The following GRIN2C variants were observed in gnomAD, a reference collection of about 807,000 sequenced individuals.
The protein encoded by GRIN2C is glutamate ionotropic receptor NMDA type subunit 2C.
In GRIN2C, 64 loss-of-function variants were observed where a neutral mutation model predicts 77.7. That is an observed-to-expected ratio of 0.82 (90% CI 0.67 to 1.01). The LOEUF (loss-of-function observed/expected upper bound fraction) is 1.01. Ranked by LOEUF, GRIN2C falls within the 50% of genes least tolerant of loss-of-function variation. GRIN2C has a pLI of 0.00. For synonymous variants in GRIN2C, 792 were observed against 643.4 expected (o/e 1.23, Z -3.49); for missense variants, 1,549 against 1,486.0 (o/e 1.04, Z -0.70).
intron 11 of GRIN2C, among the ~76,000 whole-genome samples, chr17:74,844,805 C>T (rs911509492): frequency 2.0e-5 from 3 of 152,186 alleles, no homozygotes; most frequent in African/African-American, 7.2e-5. Flanking sequence ...TAAATGTTAG[C>T]ATTCATTCAT....
intron 2 of GRIN2C, chr17:74,852,825 G>A: frequency 2.4e-6 from 1 of 421,030 alleles, no homozygotes; most frequent in Non-Finnish European, 4.2e-6. Flanking sequence ...CCACCACGCT[G>A]GCCCGCAGAC....
At chr17:74,855,617 G>A (rs1007161585) in intron 1 of GRIN2C, among the ~76,000 whole-genome samples, 1 of 152,200 alleles carries the variant, frequency 6.6e-6, no homozygotes, top group Non-Finnish European at 1.5e-5. Context: ...CTATTTGCTG[G>A]GATTAGTGAC....
At chr17:74,852,780 G>A (rs2037706319) in intron 2 of GRIN2C, 169 bp from the exon 3 acceptor site, 2 of 461,402 alleles carry the variant, frequency 4.3e-6, no homozygotes, top group Admixed American at 4.4e-5. Flanking sequence ...GTGGTTCCCC[G>A]CTGCCTAGTA....
intron 12 of GRIN2C, 40 bp from the exon 13 acceptor site, chr17:74,843,593 C>T (rs2037370350): frequency 6.6e-7 from 1 of 1,522,006 alleles, no homozygotes; most frequent in South Asian, 1.2e-5. Context: ...GCAGCGCCCT[C>T]CGCTCAGGGA....
In GRIN2C at chr17:74,846,887, G is replaced by A. The variant is rs1381530257; in HGVS notation, c.2035C>T (p.Arg679Cys). ...QRPQDQYPPF[R>C]FGTVPNGSTE... Reference sequence around the variant, plus strand: ...CTGCCGTTGGGCACCGTGCCGAAGCGGAAAGGTGGGTACTGATCTTGAGGC... The same window carrying A: ...CTGCCGTTGGGCACCGTGCCGAAGCAGAAAGGTGGGTACTGATCTTGAGGC... The change falls in exon 10 of 13, where the codon CGC becomes TGC. Residue 679 changes from arginine to cysteine, a missense_variant. Arg to Cys is a radical substitution (Grantham distance 180). Around this residue, in one of 3 missense-constraint regions of GRIN2C, gnomAD observed 717 missense variants for 858.1 expected, o/e 0.84. Transcript: ENST00000293190. The surrounding 1 kb of genome is among the most constrained non-coding windows in gnomAD (Gnocchi z 4.4). The A allele has an allele frequency of 6.2e-6, 10 of 1,613,806 alleles. No homozygotes were observed. Among genetic ancestry groups the A allele is most frequent in the East Asian group, 4.5e-5 (2 of 44,892 alleles).
At chr17:74,851,207 C>T (rs935383908) in intron 4 of GRIN2C, 11 of 310,060 alleles carry the variant, frequency 3.5e-5, no homozygotes, top group Non-Finnish European at 3.6e-5. Context: ...AATTCCTGTT[C>T]CTCATCTCCA....
rs974531043 is a variant in GRIN2C at position 74,852,671 on chromosome 17, C to A, written c.400-60G>T. 5 of 772,210 alleles carry A rather than the reference C, an allele frequency of 6.5e-6. No individual in the cohort carries two copies. In the Admixed American group the frequency reaches 1.3e-4, roughly 20 times the overall value. 47.8% of individuals were successfully genotyped at this position (772,210 alleles called of 1,614,324 possible). The stretch of plus-strand genomic sequence containing the variant: ...GCCGAGCCCCTCCTCCCGCCCCTTC[C>A]CCGACCTCGGCCCCTCCATCAGCTC... On this transcript the variant is annotated intron_variant, in intron 2 of 12. Coordinates refer to ENST00000293190, the MANE Select transcript of GRIN2C (RefSeq NM_000835.6).
At chr17:74,852,710 C>A (rs2144603810) in intron 2 of GRIN2C, 99 bp from the exon 3 acceptor site, 1 of 551,908 alleles carries the variant, frequency 1.8e-6, no homozygotes, top group Non-Finnish European at 2.9e-6. Context: ...GGCGCCCTTG[C>A]GCCGGCGGAT....
Position 74,842,771 on chromosome 17 carries a change from C to T in GRIN2C, c.3366G>A (p.Ser1122=), listed in dbSNP as rs920866718. 4.4e-6 allele frequency: 3 copies of T among 679,676 alleles called. No individual in the cohort carries two copies. In the East Asian group the frequency reaches 8.2e-5, roughly 19 times the overall value. The allele number at this position is 679,676 out of a possible 1,614,324, so 42.1% of individuals were successfully genotyped here. A position where few individuals can be genotyped will look rare whatever the true frequency, so the allele number is the denominator to read the frequency against. ...CCTCCCGGTAGATCGGCAAGCACAT[C>T]GACTGCGCCTGCGCCAAGCGCCTGC... ...SACRRLAQAQ[S]MCLPIYREAC... is the part of the protein sequence containing the mutation. Residue 1122 remains serine, a synonymous_variant, in exon 13 of 13, where the codon TCG becomes TCA. Coordinates refer to ENST00000293190, the MANE Select transcript of GRIN2C (RefSeq NM_000835.6).
Position 74,846,683 on chromosome 17 carries a change from T to A in GRIN2C, c.2162+77A>T. On this transcript the variant is annotated intron_variant, in intron 10 of 12. Coordinates refer to ENST00000293190, the MANE Select transcript of GRIN2C (RefSeq NM_000835.6). The surrounding 1 kb of genome is among the most constrained non-coding windows in gnomAD (Gnocchi z 4.4). ...CCTGCAGGACAGCCCAGTCCCACTG[T>A]CCCCACATTGAGAGCTAAGGCTGGT... The A allele has an allele frequency of 1.0e-5, 15 of 1,469,308 alleles. No individual in the cohort carries two copies. Among genetic ancestry groups the A allele is most frequent in the African/African-American group, 1.4e-5 (1 of 72,460 alleles). The allele number at this position is 1,469,308 out of a possible 1,614,324, so 91.0% of individuals were successfully genotyped here. A position where few individuals can be genotyped will look rare whatever the true frequency, so the allele number is the denominator to read the frequency against.
chr17:74,844,619 C>T, intron 11 of GRIN2C, 111 bp from the exon 12 acceptor site: 1 of 1,477,012 alleles, frequency 6.8e-7, no homozygotes, highest in Non-Finnish European at 9.0e-7. Flanking sequence ...AGGGTGCCAC[C>T]CACTTCTTCC....
Position 74,850,093 on chromosome 17 carries a change from TC to T in GRIN2C, c.1491+112del. 7.3e-7 allele frequency: 1 copy of T among 1,363,448 alleles called. No individual in the cohort carries two copies. Among genetic ancestry groups the T allele is most frequent in the Non-Finnish European group, 1.0e-6 (1 of 978,018 alleles). 84.5% of individuals were successfully genotyped at this position (1,363,448 alleles called of 1,614,324 possible). On this transcript the variant is annotated intron_variant, in intron 6 of 12. Coordinates refer to ENST00000293190, the MANE Select transcript of GRIN2C (RefSeq NM_000835.6). The surrounding 1 kb of genome is among the most constrained non-coding windows in gnomAD (Gnocchi z 5.3). ...CTTTCAGTACTGACCACCCCAGGAG[TC>T]ATCATTGGTGACAGCCCATGCCCCC...
In GRIN2C at chr17:74,844,215, G is replaced by A. The variant is rs538775659; in HGVS notation, c.2583+61C>T. 1.2e-4 allele frequency: 193 copies of A among 1,595,944 alleles called. 1 individual carries two copies. In the African/African-American group the frequency reaches 1.3e-3, roughly 11 times the overall value. ...TCTGGAAATGGGCCATGGCCAGCCCGGACTTATCTGGGTAGGTGCCCTTAA... is the reference window on the plus strand; with the variant it reads ...TCTGGAAATGGGCCATGGCCAGCCCAGACTTATCTGGGTAGGTGCCCTTAA... On this transcript the variant is annotated intron_variant, in intron 12 of 12. Coordinates refer to ENST00000293190, the MANE Select transcript of GRIN2C (RefSeq NM_000835.6).
In GRIN2C at chr17:74,843,471, G is replaced by A; in HGVS notation, c.2666C>T (p.Ala889Val). ...CAGCATCTTGAGCACGCTGGCCTGG[G>A]CCGAGCTGGCCGTGAGGTCCGGGCT... Reference protein sequence around the residue: ...QASPDLTASSAQASVLKMLQA... With the variant: ...QASPDLTASSVQASVLKMLQA... Residue 889 changes from alanine to valine, a missense_variant, in exon 13 of 13, where the codon GCC becomes GTC. Ala to Val is a moderately conservative substitution (Grantham distance 64). Around this residue, in one of 3 missense-constraint regions of GRIN2C, gnomAD observed 450 missense variants for 267.9 expected, o/e 1.68. Transcript: ENST00000293190. 1 of 1,534,378 alleles carries A rather than the reference G, an allele frequency of 6.5e-7. No homozygotes were observed. The highest frequency in any genetic ancestry group is 1.2e-5 in the South Asian group (1 of 83,924).
chr17:74,847,314 G>A lies in GRIN2C; in HGVS notation c.1995C>T (p.Asp665=). ...GCAGCTATGGCCCCACAACCTTCTTGTCACTGAGGCCCGACACAGTGTCGA... is the reference window on the plus strand; with the variant it reads ...GCAGCTATGGCCCCACAACCTTCTTATCACTGAGGCCCGACACAGTGTCGA... ...QYIDTVSGLS[D]KKFQRPQDQY... Residue 665 remains aspartate (D), a synonymous_variant, in exon 9 of 13, where the codon GAC becomes GAT. Transcript: ENST00000293190. The surrounding 1 kb of genome is among the most constrained non-coding windows in gnomAD (Gnocchi z 5.2). 1 of 1,046,744 alleles carries A rather than the reference G, an allele frequency of 9.6e-7. No homozygotes were observed. The highest frequency in any genetic ancestry group is 1.3e-6 in the Non-Finnish European group (1 of 743,824). 64.8% of individuals were successfully genotyped at this position (1,046,744 alleles called of 1,614,324 possible).
At chr17:74,857,496 T>C (rs1567901829) in intron 1 of GRIN2C, among the ~76,000 whole-genome samples, 1 of 152,176 alleles carries the variant, frequency 6.6e-6, no homozygotes, top group Non-Finnish European at 1.5e-5. Flanking sequence ...TGTTTGAGTC[T>C]GGCAAGGGAT....
At position 74,842,172 on chromosome 17, in the gene GRIN2C, A is replaced by G; in HGVS notation, c.*263T>C. The G allele has an allele frequency of 2.2e-6, 1 of 446,990 alleles. No individual in the cohort carries two copies. The highest frequency in any genetic ancestry group is 4.0e-6 in the Non-Finnish European group (1 of 252,696). 27.7% of individuals were successfully genotyped at this position (446,990 alleles called of 1,614,324 possible). A position where few individuals can be genotyped will look rare whatever the true frequency, so the allele number is the denominator to read the frequency against. On this transcript the variant is annotated 3_prime_UTR_variant, in exon 13 of 13. Transcript: ENST00000293190. ...GACCAGTAACTGGCTAGCCCCAGGG[A>G]AGGGAGAGCCTCAGGAGTCTGACCC...
At chr17:74,860,498 C>G (rs1458715342), upstream of GRIN2C, 1 of 456,498 alleles carries the variant, frequency 2.2e-6, no homozygotes, top group Non-Finnish European at 4.4e-6. Context: ...TTCAGGTTGC[C>G]GGGTGCCTTT....
Position 74,852,144 on chromosome 17 carries a change from C to T in GRIN2C, c.867G>A (p.Val289=). The T allele has an allele frequency of 6.9e-7, 1 of 1,453,454 alleles. No individual in the cohort carries two copies. The highest frequency in any genetic ancestry group is 1.5e-5 in the African/African-American group (1 of 68,392). 90.0% of individuals were successfully genotyped at this position (1,453,454 alleles called of 1,614,324 possible). A position where few individuals can be genotyped will look rare whatever the true frequency, so the allele number is the denominator to read the frequency against. The part of the protein sequence containing the change: ...ESWRLSLRQK[V]RDGVAILALG... ...GGGCCAGAATGGCCACGCCGTCGCG[C>T]ACCTTCTGGCGCAGGCTGAGGCGCC... The change falls in exon 3 of 13, where the codon GTG becomes GTA. Residue 289 remains valine (V), a synonymous_variant. Transcript: ENST00000293190.
Sources: gnomAD v4.1 joint callset for allele counts (sites outside exome capture counted in the v4.1 genomes callset) on GRCh38, gnomAD v4.1.1 for gene constraint, gnomAD v4.1.1 regional missense constraint, Gnocchi (gnomAD v3.1) non-coding constraint, MANE v1.5 for transcripts, NCBI Gene and HGNC (gene_info 2026-07-23, HGNC 2026-07-21) for gene names.